Variants in ATP2B1 observed in about 807,000 individuals in gnomAD.
The protein encoded by ATP2B1 is plasma membrane calcium-transporting ATPase 1.
Under a neutral mutation model 124.2 loss-of-function variants are expected in ATP2B1, and 14 were observed. That is an observed-to-expected ratio of 0.11 (90% CI 0.07 to 0.18). The LOEUF (loss-of-function observed/expected upper bound fraction) is 0.18. ATP2B1 is among the 10% of genes least tolerant of loss of function. ATP2B1 has a pLI of 1.00. For synonymous variants in ATP2B1, 449 were observed against 492.4 expected, an observed-to-expected ratio of 0.91 and a Z score of 1.17; for missense variants, 763 against 1,466.1, an observed-to-expected ratio of 0.52 and a Z score of 7.83.
intron 1 of ATP2B1, among the ~76,000 whole-genome samples, chr12:89,676,675 G>A (rs1313701642): frequency 6.6e-6 from 1 of 152,006 alleles, no homozygotes; most frequent in Admixed American, 6.6e-5. Flanking sequence ...CAAAGTTTGG[G>A]GAATGCAGTC....
At chr12:89,605,702 AAAG>A (rs56670879) in intron 15 of ATP2B1, among the ~76,000 whole-genome samples, 2,436 of 152,324 alleles carry the variant, frequency 0.016, 57 homozygotes, top group African/African-American at 0.056. Context: ...GGAATAAACC[AAAG>A]AAGATGATGC....
chr12:89,612,447 C>T (rs764437609), intron 12 of ATP2B1, among the ~76,000 whole-genome samples: 1 of 151,910 alleles, frequency 6.6e-6, no homozygotes, highest in African/African-American at 2.4e-5. Flanking sequence ...GACAAACCCC[C>T]GAGACAAATG....
chr12:89,683,449 T>C (rs774490430), intron 1 of ATP2B1, among the ~76,000 whole-genome samples: 16 of 152,210 alleles, frequency 1.1e-4, no homozygotes, highest in Non-Finnish European at 1.9e-4. Context: ...GGCTCCCAAT[T>C]CCGTAAAGAA....
intron 1 of ATP2B1, among the ~76,000 whole-genome samples, chr12:89,686,927 C>A (rs952450609): frequency 1.3e-5 from 2 of 151,942 alleles, no homozygotes; most frequent in Admixed American, 1.3e-4. Context: ...TAATATAATA[C>A]TCCTCCTGGG....
chr12:89,594,830 A>G (rs1214428983), intron 20 of ATP2B1: 4 of 151,976 alleles, frequency 2.6e-5, no homozygotes, highest in Non-Finnish European at 5.9e-5. Context: ...TACAGAAGAG[A>G]GAGCTCTAAA....
Position 89,615,290 on chromosome 12 carries a change from A to G in ATP2B1, c.2067+1512T>C, listed in dbSNP as rs1478324780. ...ATTACTTTATTTCATTACACCGTGC[A>G]TATCTTATATAGCCCTTCTGCACTT... is the stretch of plus-strand genomic sequence containing the variant. On this transcript the variant is annotated intron_variant, in intron 12 of 20. Transcript: ENST00000428670. Among the ~76,000 whole-genome samples, 6 of 152,148 alleles carry G rather than the reference A, an allele frequency of 3.9e-5. No individual in the cohort carries two copies. The East Asian group carries it at 7.7e-4, about 20-fold the overall frequency.
At chr12:89,676,538 G>A (rs1346102218) in intron 1 of ATP2B1, among the ~76,000 whole-genome samples, 1 of 152,072 alleles carries the variant, frequency 6.6e-6, no homozygotes. Flanking sequence ...GGATTCCCAA[G>A]AAGCTTGGAA....
chr12:89,594,817 T>C (rs1280090692), intron 20 of ATP2B1: 1 of 151,938 alleles, frequency 6.6e-6, no homozygotes, highest in Non-Finnish European at 1.5e-5. Flanking sequence ...GCCTAAAACA[T>C]TGTACAGAAG....
chr12:89,661,196 C>T (rs1274677009), intron 1 of ATP2B1, among the ~76,000 whole-genome samples: 1 of 152,122 alleles, frequency 6.6e-6, no homozygotes, highest in Non-Finnish European at 1.5e-5. Context: ...TAACTGTACA[C>T]AATTAGAGCT....
rs1441876196 is a variant in ATP2B1 at position 89,589,791 on chromosome 12, AC to A, written c.*1192del. On this transcript the variant is annotated 3_prime_UTR_variant, in exon 21 of 21. Transcript: ENST00000428670. ...AGAAGCTGAAATGTCTTTTAAAAAA[AC>A]ATTGCCATGAATTTATTTAATAAAA... 3.9e-5 allele frequency: 6 copies of A among 152,314 alleles called. No homozygotes were observed. Among genetic ancestry groups the A allele is most frequent in the East Asian group, 1.9e-4 (1 of 5,186 alleles). 9.4% of individuals were successfully genotyped at this position (152,314 alleles called of 1,614,324 possible). A position where few individuals can be genotyped will look rare whatever the true frequency, so the allele number is the denominator to read the frequency against.
At chr12:89,644,575 T>G (rs1884149907) in intron 2 of ATP2B1, among the ~76,000 whole-genome samples, 1 of 151,750 alleles carries the variant, frequency 6.6e-6, no homozygotes. Flanking sequence ...AGTTGAAAGC[T>G]TCCAAAGAGC....
Position 89,646,908 on chromosome 12 carries a change from T to C in ATP2B1, c.209-4553A>G, listed in dbSNP as rs182817484. On this transcript the variant is annotated intron_variant, in intron 2 of 20. Coordinates refer to ENST00000428670, the MANE Select transcript of ATP2B1 (RefSeq NM_001366521.1). ...AATGATCAAGTGGAGAAGACAACAC[T>C]GATGATACAGGAGATGAAGGGTAAT... Among the ~76,000 whole-genome samples the C allele has an allele frequency of 1.2e-4, 19 of 152,196 alleles. No individual in the cohort carries two copies. The East Asian group carries it at 3.7e-3, about 29-fold the overall frequency.
At chr12:89,592,493 A>T (rs1243925287) in intron 20 of ATP2B1, among the ~76,000 whole-genome samples, 1 of 152,030 alleles carries the variant, frequency 6.6e-6, no homozygotes, top group Non-Finnish European at 1.5e-5. Context: ...AGGGCCATGC[A>T]CCCACATCTC....
intron 14 of ATP2B1, 112 bp downstream of exon 14, chr12:89,610,309 A>T: frequency 1.0e-6 from 1 of 958,118 alleles, no homozygotes; most frequent in Non-Finnish European, 1.6e-6. Context: ...AGATTTTATT[A>T]AAACAGATGA....
intron 3 of ATP2B1, chr12:89,641,955 C>A (rs1883592173): frequency 1.8e-6 from 1 of 570,288 alleles, no homozygotes; most frequent in East Asian, 3.0e-5. Context: ...ACCTCTGTGC[C>A]TCATTGTAAA....
chr12:89,637,384 G>A (rs1445337515), intron 3 of ATP2B1, among the ~76,000 whole-genome samples: 1 of 151,662 alleles, frequency 6.6e-6, no homozygotes, highest in African/African-American at 2.4e-5. Context: ...AATGTTTTAT[G>A]GCTACAAGAA....
intron 1 of ATP2B1, among the ~76,000 whole-genome samples, chr12:89,690,254 T>A (rs1277838216): frequency 3.3e-5 from 5 of 152,116 alleles, no homozygotes; most frequent in African/African-American, 1.2e-4. Context: ...TTAAAACATT[T>A]GCTCTCCTTT....
At chr12:89,637,977 A>G (rs1405236078) in intron 3 of ATP2B1, among the ~76,000 whole-genome samples, 4 of 152,138 alleles carry the variant, frequency 2.6e-5, no homozygotes, top group Admixed American at 2.0e-4. Flanking sequence ...TTAATGACAT[A>G]TATCATTTCA....
chr12:89,646,996 A>G (rs531714388), intron 2 of ATP2B1, among the ~76,000 whole-genome samples: 1 of 152,342 alleles, frequency 6.6e-6, no homozygotes, highest in African/African-American at 2.4e-5. Context: ...TGTTTGTCTA[A>G]TACAGATGCA....
Sources: allele counts gnomAD v4.1 joint callset (sites outside exome capture counted in the v4.1 genomes callset), GRCh38; gene constraint gnomAD v4.1.1; transcripts MANE v1.5; gene names NCBI Gene and HGNC (gene_info 2026-07-23, HGNC 2026-07-21).